Variants in ADAM22 observed in about 807,000 individuals in gnomAD.
ADAM22 encodes the protein ADAM metallopeptidase domain 22, also known as disintegrin and metalloproteinase domain-containing protein 22.
A neutral mutation model predicts 144.6 loss-of-function variants in ADAM22; 65 were observed. The observed-to-expected ratio is 0.45, with a 90% CI of 0.37 to 0.55. The LOEUF is 0.55. ADAM22 is among the 20% of genes least tolerant of loss of function. ADAM22 has a pLI of 0.00. For missense variants in ADAM22, 974 were observed against 1,184.9 expected (o/e 0.82, Z 2.61); for synonymous variants, 391 against 412.6 (o/e 0.95, Z 0.63).
chr7:88,178,607 TA>T (rs1197774430), intron 26 of ADAM22, among the ~76,000 whole-genome samples: 1 of 152,092 alleles, frequency 6.6e-6, no homozygotes, highest in Non-Finnish European at 1.5e-5. Flanking sequence ...ACCTTCGACA[TA>T]TTTTTTTTTT....
At chr7:88,055,510 C>T (rs10487004) in intron 3 of ADAM22, among the ~76,000 whole-genome samples, 4,844 of 152,112 alleles carry the variant, frequency 0.032, 286 homozygotes, top group African/African-American at 0.11. Flanking sequence ...TATTTAGGAA[C>T]GATCTCGGTC....
chr7:88,191,949 A>G (rs1486449831), intron 30 of ADAM22, among the ~76,000 whole-genome samples: 1 of 152,234 alleles, frequency 6.6e-6, no homozygotes, highest in Non-Finnish European at 1.5e-5. Context: ...AATGGAAATT[A>G]GTATGAAAAC....
At chr7:88,124,055 T>C (rs571039261) in intron 7 of ADAM22, among the ~76,000 whole-genome samples, 142 of 152,140 alleles carry the variant, frequency 9.3e-4, no homozygotes, top group Non-Finnish European at 1.5e-3. Flanking sequence ...TCTTGGTGAA[T>C]GTTTCATGTA....
At chr7:87,987,051 T>C (rs1788646956) in intron 3 of ADAM22, among the ~76,000 whole-genome samples, 1 of 152,214 alleles carries the variant, frequency 6.6e-6, no homozygotes, top group African/African-American at 2.4e-5. Context: ...ATGAAACCTT[T>C]AATGTAATTA....
intron 5 of ADAM22, among the ~76,000 whole-genome samples, chr7:88,108,465 T>A (rs1376577182): frequency 6.6e-6 from 1 of 152,066 alleles, no homozygotes; most frequent in African/African-American, 2.4e-5. Context: ...TGGTGGCTCA[T>A]GCCTATAATC....
intron 7 of ADAM22, among the ~76,000 whole-genome samples, chr7:88,121,865 A>C (rs927779031): frequency 2.6e-5 from 4 of 152,238 alleles, no homozygotes; most frequent in African/African-American, 4.8e-5. Context: ...GAGATTATAC[A>C]GTGTCATTGT....
rs2237536 is a variant in ADAM22, at chr7:87,975,925, C to G, written c.247-2411C>G. ...TTCCCAAAACACAGTTGTTAGCACT[C>G]TAGGAAACTCAAAGAGCTTTAGGTA... On this transcript the variant is annotated intron_variant, in intron 2 of 31. Transcript: ENST00000413139. 5.8e-3 allele frequency among the ~76,000 whole-genome samples: 881 copies of G among 152,208 alleles called. 13 individuals carry two copies. Among genetic ancestry groups the G allele is most frequent in the East Asian group, 0.046 (237 of 5,170 alleles).
chr7:87,996,143 T>C (rs1791172291), intron 3 of ADAM22, among the ~76,000 whole-genome samples: 1 of 152,168 alleles, frequency 6.6e-6, no homozygotes, highest in Admixed American at 6.6e-5. Context: ...GGCACAACTT[T>C]CTAGAAGTTT....
At chr7:88,112,477 A>T (rs1409634973) in intron 5 of ADAM22, among the ~76,000 whole-genome samples, 2 of 152,196 alleles carry the variant, frequency 1.3e-5, no homozygotes, top group African/African-American at 2.4e-5. Context: ...CCAAAAACTA[A>T]AAAATTACTA....
intron 26 of ADAM22, among the ~76,000 whole-genome samples, chr7:88,174,152 A>G (rs1340537637): frequency 6.6e-6 from 1 of 152,164 alleles, no homozygotes; most frequent in Non-Finnish European, 1.5e-5. Flanking sequence ...TGAATTTGAT[A>G]ACCAGATAAA....
intron 3 of ADAM22, among the ~76,000 whole-genome samples, chr7:88,029,583 G>A (rs1799770466): frequency 6.6e-6 from 1 of 152,046 alleles, no homozygotes; most frequent in Non-Finnish European, 1.5e-5. Flanking sequence ...ACCTTCAGAT[G>A]ATTTTTTGCT....
intron 3 of ADAM22, among the ~76,000 whole-genome samples, chr7:88,026,471 C>T (rs1325962770): frequency 6.6e-6 from 1 of 152,128 alleles, no homozygotes; most frequent in African/African-American, 2.4e-5. Context: ...CCCACTAGAC[C>T]CCACCTTCAA....
At chr7:88,110,415 G>C (rs181933247) in intron 5 of ADAM22, among the ~76,000 whole-genome samples, 331 of 151,946 alleles carry the variant, frequency 2.2e-3, no homozygotes, top group African/African-American at 7.5e-3. Context: ...CTCAGTACTC[G>C]TTCCAGTCTG....
intron 2 of ADAM22, among the ~76,000 whole-genome samples, chr7:87,972,527 C>T (rs971992314): frequency 3.9e-5 from 6 of 152,244 alleles, no homozygotes; most frequent in Non-Finnish European, 7.4e-5. Context: ...TTTATAGATT[C>T]AATGCCATCC....
At chr7:87,992,052 G>C (rs1390752133) in intron 3 of ADAM22, among the ~76,000 whole-genome samples, 1 of 152,190 alleles carries the variant, frequency 6.6e-6, no homozygotes, top group East Asian at 1.9e-4. Context: ...TCTTGACCAT[G>C]TAGAGGAAAC....
intron 2 of ADAM22, among the ~76,000 whole-genome samples, chr7:87,948,844 A>G (rs569940086): frequency 2.0e-5 from 3 of 152,290 alleles, no homozygotes; most frequent in South Asian, 2.1e-4. Context: ...TGGGCTCACA[A>G]TTGGTTATTC....
At chr7:87,982,891 A>G (rs932331860) in intron 3 of ADAM22, among the ~76,000 whole-genome samples, 2 of 150,634 alleles carry the variant, frequency 1.3e-5, no homozygotes, top group African/African-American at 2.4e-5. Flanking sequence ...GAGTTTCTCC[A>G]TGTTGGTCAG....
At chr7:87,938,207 A>ATTTTTTTTTTT (rs59698275) in intron 2 of ADAM22, among the ~76,000 whole-genome samples, 1 of 75,554 alleles carries the variant, frequency 1.3e-5, no homozygotes, top group Non-Finnish European at 2.4e-5. Flanking sequence ...ATACCCATAG[A>ATTTTTTTTTTT]TTTTTTTTTT....
intron 3 of ADAM22, among the ~76,000 whole-genome samples, chr7:88,059,191 T>C (rs965941335): frequency 1.3e-5 from 2 of 152,110 alleles, no homozygotes; most frequent in African/African-American, 2.4e-5. Flanking sequence ...TGTTGACATT[T>C]AGGATCCTTC....
Sources: gnomAD v4.1 joint callset for allele counts (sites outside exome capture counted in the v4.1 genomes callset) on GRCh38, gnomAD v4.1.1 for gene constraint, MANE v1.5 for transcripts, NCBI Gene and HGNC (gene_info 2026-07-23, HGNC 2026-07-21) for gene names.